The following SH3TC1 variants were observed in gnomAD, a reference collection of about 807,000 sequenced individuals.
The protein encoded by SH3TC1 is SH3 domain and tetratricopeptide repeat-containing protein 1.
A neutral mutation model predicts 117.3 loss-of-function variants in SH3TC1; 135 were observed. The ratio of observed to expected loss-of-function variants is 1.15; its 90% CI spans 1.00 to 1.33. The LOEUF (loss-of-function observed/expected upper bound fraction) is 1.33. Among genes scored for constraint, SH3TC1 ranks in the 40% most tolerant of loss-of-function variants. The probability of loss-of-function intolerance (pLI) is 0.00; values close to 1 mark genes in which losing one functional copy is unlikely to be tolerated. For synonymous variants in SH3TC1, 898 were observed against 816.9 expected (o/e 1.10, Z -1.69); for missense variants, 2,092 against 1,794.3 (o/e 1.17, Z -3.00).
chr4:8,212,682 C>T lies in SH3TC1; in HGVS notation c.248-19C>T, dbSNP rs1183120284. 6.2e-7 allele frequency: 1 copy of T among 1,612,736 alleles called. No individual in the cohort carries two copies. Among genetic ancestry groups the T allele is most frequent in the South Asian group, 1.1e-5 (1 of 91,040 alleles). On this transcript the variant is annotated intron_variant, in intron 3 of 17. Coordinates refer to ENST00000245105, the MANE Select transcript of SH3TC1 (RefSeq NM_018986.5). ...AGCCCAGGTCAGACCAACTGCCCAA[C>T]CTCCGTCTGCCCCTCCAGACCTGAC... is the stretch of plus-strand genomic sequence containing the variant.
intron 13 of SH3TC1, chr4:8,232,960 TG>T: frequency 8.4e-7 from 1 of 1,193,212 alleles, no homozygotes; most frequent in Admixed American, 3.6e-5. Context: ...CCAGAAGCTC[TG>T]GGGGCAGGCC....
chr4:8,214,646 G>A lies in SH3TC1; in HGVS notation c.481+66G>A, dbSNP rs150117422. ...CGTCGGAAGGTGCTGGTTACACACC[G>A]TGCACTTAGATTACAAACTGGTGCT... On this transcript the variant is annotated intron_variant, in intron 5 of 17. Transcript: ENST00000245105. The A allele has an allele frequency of 7.8e-5, 92 of 1,173,020 alleles. 2 individuals are homozygous for A. In the African/African-American group the frequency reaches 8.7e-4, roughly 11 times the overall value. The allele number at this position is 1,173,020 out of a possible 1,614,324, so 72.7% of individuals were successfully genotyped here. A position where few individuals can be genotyped will look rare whatever the true frequency, so the allele number is the denominator to read the frequency against.
intron 10 of SH3TC1, among the ~76,000 whole-genome samples, chr4:8,223,427 T>C (rs760599485): frequency 6.6e-6 from 1 of 152,172 alleles, no homozygotes; most frequent in Non-Finnish European, 1.5e-5. Context: ...GGGAGTGTCA[T>C]GGTGGGACCC....
At chr4:8,204,084 G>T (rs1718010034) in intron 1 of SH3TC1, among the ~76,000 whole-genome samples, 1 of 152,228 alleles carries the variant, frequency 6.6e-6, no homozygotes, top group Admixed American at 6.5e-5. Flanking sequence ...AGGACAGCAG[G>T]AGGCCAGACT....
chr4:8,228,103 C>A lies in SH3TC1; in HGVS notation c.2409C>A (p.Gly803=), dbSNP rs746241544. 1.9e-5 allele frequency: 31 copies of A among 1,610,526 alleles called. No individual in the cohort carries two copies. The highest frequency in any genetic ancestry group is 2.5e-5 in the Non-Finnish European group (29 of 1,178,458). The change falls in exon 12 of 18, where the codon GGC becomes GGA. Residue 803 remains glycine, a synonymous_variant. Coordinates refer to ENST00000245105, the MANE Select transcript of SH3TC1 (RefSeq NM_018986.5). ...TGTACAGCCACCATGGCTGCCACGG[C>A]CCGGCCATCACCTTCATGACGCAGG... ...AQLYSHHGCH[G]PAITFMTQAV...
rs1055514628 is a variant in SH3TC1, at chr4:8,190,236, C to T, written c.-57+8026C>T. On this transcript the variant is annotated intron_variant, in intron 1 of 16. Coordinates refer to the SH3TC1 transcript ENST00000508641. The surrounding 1 kb of genome is among the most constrained non-coding windows in gnomAD (Gnocchi z 4.7). Reference sequence around the variant, plus strand: ...CCTCTGCCTGCTGTGACCTCAGCCTCGGAGCCTCGAGCTCCCAGGAGATGG... The same window carrying T: ...CCTCTGCCTGCTGTGACCTCAGCCTTGGAGCCTCGAGCTCCCAGGAGATGG... 6.6e-6 allele frequency among the ~76,000 whole-genome samples: 1 copy of T among 152,152 alleles called. No individual in the cohort carries two copies. The highest frequency in any genetic ancestry group is 1.5e-5 in the Non-Finnish European group (1 of 68,014).
chr4:8,232,519 C>G, intron 13 of SH3TC1: 2 of 1,385,858 alleles, frequency 1.4e-6, no homozygotes, highest in Non-Finnish European at 1.9e-6. Context: ...CTGGCCTTCA[C>G]CTGTCCCCTT....
intron 2 of SH3TC1, among the ~76,000 whole-genome samples, chr4:8,208,208 C>G (rs1718360084): frequency 6.6e-6 from 1 of 152,228 alleles, no homozygotes; most frequent in Non-Finnish European, 1.5e-5. Flanking sequence ...AATCTCCAGG[C>G]TGGCTGCTGC....
At position 8,219,494 on chromosome 4, in the gene SH3TC1, G is replaced by A. The variant is rs144098712; in HGVS notation, c.1076G>A (p.Arg359Gln). The change falls in exon 9 of 18, where the codon CGG becomes CAG. Residue 359 changes from arginine (R) to glutamine (Q), a missense_variant. By Grantham distance (43) the Arg-to-Gln change is conservative. Coordinates refer to ENST00000245105, the MANE Select transcript of SH3TC1 (RefSeq NM_018986.5). ...GCCTCGGGCCGGGTGGGGTTTGTGC[G>A]GAGCAGCCTCATCAGCATGCAGGGC... ...HAASGRVGFV[R>Q]SSLISMQGPV... The A allele has an allele frequency of 3.8e-5, 61 of 1,592,142 alleles. No individual in the cohort carries two copies. Among genetic ancestry groups the A allele is most frequent in the Middle Eastern group, 1.7e-4 (1 of 5,956 alleles).
At chr4:8,235,752 G>A (rs1721756370) in intron 15 of SH3TC1, 197 bp downstream of exon 15, 2 of 655,822 alleles carry the variant, frequency 3.0e-6, no homozygotes, top group East Asian at 3.3e-5. Context: ...CCTGGACACA[G>A]CAATGGCCTT....
chr4:8,216,335 C>A, intron 6 of SH3TC1, 78 bp downstream of exon 6: 1 of 1,542,150 alleles, frequency 6.5e-7, no homozygotes, highest in South Asian at 1.3e-5. Flanking sequence ...GCCTGGATCC[C>A]GCTGTGCTGA....
Position 8,205,325 on chromosome 4 carries a change from A to T in SH3TC1, c.131A>T (p.Glu44Val). 6.5e-7 allele frequency: 1 copy of T among 1,549,986 alleles called. No individual in the cohort carries two copies. Among genetic ancestry groups the T allele is most frequent in the Non-Finnish European group, 8.7e-7 (1 of 1,146,972 alleles). The change falls in exon 2 of 18, where the codon GAG (glutamate) becomes GTG (valine). Residue 44 changes from glutamate (E) to valine (V), a missense_variant. Physicochemically the swap from Glu to Val is moderately radical, Grantham distance 121. Transcript: ENST00000245105. The surrounding 1 kb of genome is among the most constrained non-coding windows in gnomAD (Gnocchi z 5.4). ...TVVMRPSVSW[E>V]KAGPEEAKAP... ...GTCATGAGGCCCTCTGTGAGCTGGG[A>T]GAAAGCGGGGCCCGAGGAGGCCAAG... is the stretch of plus-strand genomic sequence containing the variant.
At chr4:8,215,345 A>G in intron 5 of SH3TC1, 1 of 437,720 alleles carries the variant, frequency 2.3e-6, no homozygotes, top group Non-Finnish European at 4.7e-6. Flanking sequence ...TTGAGGGCTA[A>G]GTGAGTTAGG....
intron 4 of SH3TC1, 91 bp from the exon 5 acceptor site, chr4:8,214,384 G>A (rs527643775): frequency 8.1e-7 from 1 of 1,228,648 alleles, no homozygotes; most frequent in Non-Finnish European, 1.2e-6. Context: ...GGCCACATCT[G>A]CAAGATGTCT....
chr4:8,182,107 C>G (rs1417574870), exon 1 of SH3TC1: 1 of 152,434 alleles, frequency 6.6e-6, no homozygotes, highest in Admixed American at 6.5e-5. Context: ...GGACAGGGTG[C>G]TGGGCTGTGT....
At chr4:8,220,967 G>T (rs1456576536) in intron 9 of SH3TC1, among the ~76,000 whole-genome samples, 1 of 152,232 alleles carries the variant, frequency 6.6e-6, no homozygotes, top group Non-Finnish European at 1.5e-5. Context: ...CATGCCCTAA[G>T]GAGTGGGGAA....
intron 10 of SH3TC1, among the ~76,000 whole-genome samples, chr4:8,224,049 A>G (rs73224054): frequency 1.4e-4 from 12 of 87,196 alleles, no homozygotes; most frequent in Admixed American, 2.3e-4. Context: ...AAGTATACAC[A>G]CACACACACC....
chr4:8,232,944 G>A (rs539187543), intron 13 of SH3TC1: 73 of 1,191,948 alleles, frequency 6.1e-5, no homozygotes, highest in African/African-American at 4.0e-4. Flanking sequence ...CCCCAGGCCC[G>A]TGGAGCCAGA....
At position 8,205,837 on chromosome 4, in the gene SH3TC1, G is replaced by A. The variant is rs1050050046; in HGVS notation, c.172+471G>A. The A allele has an allele frequency of 1.7e-6, 1 of 594,042 alleles. No individual in the cohort carries two copies. Among genetic ancestry groups the A allele is most frequent in the Non-Finnish European group, 3.0e-6 (1 of 333,068 alleles). The allele number at this position is 594,042 out of a possible 1,614,324, so 36.8% of individuals were successfully genotyped here. A position where few individuals can be genotyped will look rare whatever the true frequency, so the allele number is the denominator to read the frequency against. On this transcript the variant is annotated intron_variant, in intron 2 of 17. Transcript: ENST00000245105. The surrounding 1 kb of genome is among the most constrained non-coding windows in gnomAD (Gnocchi z 5.4). ...TGCCCAGTTTCCTGAATTCCCGGGA[G>A]ACCTGAAGAGTGACCTAGGTGATCT... is the stretch of plus-strand genomic sequence containing the variant.
Sources: allele counts gnomAD v4.1 joint callset (sites outside exome capture counted in the v4.1 genomes callset), GRCh38; gene constraint gnomAD v4.1.1; non-coding constraint Gnocchi (gnomAD v3.1); transcripts MANE v1.5; gene names NCBI Gene and HGNC (gene_info 2026-07-23, HGNC 2026-07-21).